Variants in AZI2 observed in about 807,000 individuals in gnomAD.
AZI2 encodes 5-azacytidine induced 2.
AZI2 carries 22 observed loss-of-function variants against 45.8 expected under a neutral mutation model. That is an observed-to-expected ratio of 0.48 (90% CI 0.34 to 0.69). AZI2 has a LOEUF of 0.69. Ranked by LOEUF, AZI2 falls within the 30% of genes least tolerant of loss-of-function variation. The pLI is 0.01. For missense variants in AZI2, 417 were observed against 441.5 expected, an observed-to-expected ratio of 0.94 and a Z score of 0.50; for synonymous variants, 137 against 156.7, an observed-to-expected ratio of 0.87 and a Z score of 0.94.
At chr3:28,337,008 A>G (rs1470777553) in intron 4 of AZI2, 123 bp from the exon 5 acceptor site, 4 of 947,900 alleles carry the variant, frequency 4.2e-6, no homozygotes, top group Non-Finnish European at 6.1e-6. Flanking sequence ...ATATATGATC[A>G]ATAGTTTTTT....
At chr3:28,330,817 T>G (rs1703543260) in intron 6 of AZI2, among the ~76,000 whole-genome samples, 2 of 151,388 alleles carry the variant, frequency 1.3e-5, no homozygotes, top group Non-Finnish European at 3.0e-5. Flanking sequence ...ACACAATTCT[T>G]TACATACATA....
In AZI2 at chr3:28,323,934, T is replaced by C. The variant is rs1703278338; in HGVS notation, c.*108A>G. The C allele has an allele frequency of 3.0e-6, 4 of 1,315,656 alleles. No individual in the cohort carries two copies. The highest frequency in any genetic ancestry group is 3.1e-6 in the Non-Finnish European group (3 of 956,346). 81.5% of individuals were successfully genotyped at this position (1,315,656 alleles called of 1,614,324 possible). ...TGTTCAAATATAGATACTGAAGACC[T>C]CTGCAAAATTTTAATCAAAATCTCC... On this transcript the variant is annotated 3_prime_UTR_variant, in exon 8 of 8. Transcript: ENST00000479665.
At chr3:28,340,748 A>G in intron 1 of AZI2, 126 bp from the exon 2 acceptor site, 2 of 708,918 alleles carry the variant, frequency 2.8e-6, no homozygotes, top group Non-Finnish European at 4.4e-6. Flanking sequence ...CCTGGGTTGT[A>G]TTCTAAACTC....
At chr3:28,325,708 A>G (rs1459518351) in intron 7 of AZI2, among the ~76,000 whole-genome samples, 1 of 151,124 alleles carries the variant, frequency 6.6e-6, no homozygotes, top group African/African-American at 2.4e-5. Context: ...ACAAAGCTAC[A>G]TTGAAAACTC....
intron 5 of AZI2, among the ~76,000 whole-genome samples, chr3:28,334,785 A>G (rs114543874): frequency 0.015 from 2,223 of 152,114 alleles, 54 homozygotes; most frequent in African/African-American, 0.05. Context: ...TTCAATACAC[A>G]TAAATACCTA....
At position 28,337,926 on chromosome 3, in the gene AZI2, A is replaced by G; in HGVS notation, c.439+11T>C. The G allele has an allele frequency of 6.8e-7, 1 of 1,462,278 alleles. No individual in the cohort carries two copies. Among genetic ancestry groups the G allele is most frequent in the Non-Finnish European group, 9.2e-7 (1 of 1,082,124 alleles). 90.6% of individuals were successfully genotyped at this position (1,462,278 alleles called of 1,614,324 possible). A position where few individuals can be genotyped will look rare whatever the true frequency, so the allele number is the denominator to read the frequency against. On this transcript the variant is annotated intron_variant, in intron 4 of 7. Coordinates refer to ENST00000479665, the MANE Select transcript of AZI2 (RefSeq NM_022461.5). ...TTCTGTTAGAATATTTATAACAAGTAACTGGCATACCCTGCTGAGTTTCCA... is the reference window on the plus strand; with the variant it reads ...TTCTGTTAGAATATTTATAACAAGTGACTGGCATACCCTGCTGAGTTTCCA...
In AZI2 at chr3:28,323,931, A is replaced by T. The variant is rs1232941652; in HGVS notation, c.*111T>A. Reference sequence around the variant, plus strand: ...GTGTGTTCAAATATAGATACTGAAGACCTCTGCAAAATTTTAATCAAAATC... The same window carrying T: ...GTGTGTTCAAATATAGATACTGAAGTCCTCTGCAAAATTTTAATCAAAATC... On this transcript the variant is annotated 3_prime_UTR_variant, in exon 8 of 8. Coordinates refer to ENST00000479665, the MANE Select transcript of AZI2 (RefSeq NM_022461.5). 9.6e-6 allele frequency: 12 copies of T among 1,254,540 alleles called. No homozygotes were observed. Among genetic ancestry groups the T allele is most frequent in the African/African-American group, 3.0e-5 (2 of 65,608 alleles). 77.7% of individuals were successfully genotyped at this position (1,254,540 alleles called of 1,614,324 possible).
chr3:28,325,406 A>G (rs776249807), intron 7 of AZI2, among the ~76,000 whole-genome samples: 1 of 151,046 alleles, frequency 6.6e-6, no homozygotes, highest in Non-Finnish European at 1.5e-5. Context: ...GAGGGTGGAT[A>G]TGGATGGAGG....
At chr3:28,338,283 A>G (rs550675318) in intron 3 of AZI2, among the ~76,000 whole-genome samples, 2 of 152,056 alleles carry the variant, frequency 1.3e-5, no homozygotes, top group Non-Finnish European at 2.9e-5. Context: ...CGGTGGTGTT[A>G]GATGTATTTA....
Position 28,337,968 on chromosome 3 carries a change from G to A in AZI2, c.408C>T (p.Leu136=), listed in dbSNP as rs553639482. 1.1e-4 allele frequency: 172 copies of A among 1,599,512 alleles called. 4 individuals are homozygous for A. In the South Asian group the frequency reaches 1.9e-3, roughly 18 times the overall value. Residue 136 remains leucine, a synonymous_variant, in exon 4 of 8, where the codon CTC becomes CTT. Transcript: ENST00000479665. ...EQLQSKEVEL[L]QLRTEVETQQ... ...GAGTTTCCACCTCTGTCCTCAGCTG[G>A]AGGAGTTCTACTTCTTTAGATTGTA...
At position 28,332,426 on chromosome 3, in the gene AZI2, T is replaced by G; in HGVS notation, c.590A>C (p.Asp197Ala). The G allele has an allele frequency of 6.2e-7, 1 of 1,607,242 alleles. No homozygotes were observed. The highest frequency in any genetic ancestry group is 8.5e-7 in the Non-Finnish European group (1 of 1,175,440). The change falls in exon 6 of 8, where the codon GAT becomes GCT. Residue 197 changes from aspartate (D) to alanine (A), a missense_variant and splice_region_variant. Coordinates refer to ENST00000479665, the MANE Select transcript of AZI2 (RefSeq NM_022461.5). ...KIELQKAKQTDPYQEDNLKSR... is the reference protein window; with the variant it reads ...KIELQKAKQTAPYQEDNLKSR... ...CTTCAGATTGTCTTCCTGATATGGA[T>G]CCTGTCATTTGTTTAAAAAAAAGAA...
chr3:28,332,279 G>T, intron 6 of AZI2, 90 bp downstream of exon 6: 1 of 1,170,194 alleles, frequency 8.5e-7, no homozygotes. Flanking sequence ...TTGTTTTTAA[G>T]GTTAAGTCAT....
chr3:28,338,136 T>C, intron 3 of AZI2, 100 bp from the exon 4 acceptor site: 1 of 603,376 alleles, frequency 1.7e-6, no homozygotes, highest in Admixed American at 3.9e-5. Context: ...ATTCTTGTCT[T>C]TAAAAGCAAG....
chr3:28,329,515 G>C (rs1029488371), intron 6 of AZI2, among the ~76,000 whole-genome samples: 1 of 151,100 alleles, frequency 6.6e-6, no homozygotes, highest in Admixed American at 6.6e-5. Context: ...TACATGTCCT[G>C]CTTACAAAGT....
chr3:28,347,431 T>C (rs73825138), intron 1 of AZI2, among the ~76,000 whole-genome samples: 3,987 of 152,218 alleles, frequency 0.026, 154 homozygotes, highest in African/African-American at 0.085. Flanking sequence ...AATTGAGACA[T>C]GAAAACATTA....
At chr3:28,334,974 T>C (rs901624018) in intron 5 of AZI2, among the ~76,000 whole-genome samples, 3 of 152,034 alleles carry the variant, frequency 2.0e-5, no homozygotes, top group Non-Finnish European at 2.9e-5. Flanking sequence ...TCCAGCCATT[T>C]ATATTCAGAA....
In AZI2 at chr3:28,337,945, G is replaced by A. The variant is rs370165575; in HGVS notation, c.431C>T (p.Thr144Ile). The A allele has an allele frequency of 6.4e-6, 10 of 1,568,948 alleles. No individual in the cohort carries two copies. Among genetic ancestry groups the A allele is most frequent in the East Asian group, 4.5e-5 (2 of 43,994 alleles). ...ACAAGTAACTGGCATACCCTGCTGA[G>A]TTTCCACCTCTGTCCTCAGCTGGAG... ...ELLQLRTEVE[T>I]QQVMRNLNPP... The change falls in exon 4 of 8, where the codon ACT becomes ATT. Residue 144 changes from threonine (T) to isoleucine (I), a missense_variant. Coordinates refer to ENST00000479665, the MANE Select transcript of AZI2 (RefSeq NM_022461.5).
At position 28,345,684 on chromosome 3, in the gene AZI2, T is replaced by A. The variant is rs139596948; in HGVS notation, c.-6+2917A>T. ...GGGGAGAAACACAGGAAAAAAAAGA[T>A]TCAAACATTATTTATTAGAATTATT... On this transcript the variant is annotated intron_variant, in intron 1 of 7. Transcript: ENST00000479665. 2.6e-5 allele frequency among the ~76,000 whole-genome samples: 4 copies of A among 152,134 alleles called. No homozygotes were observed. In the East Asian group the frequency reaches 7.7e-4, roughly 29 times the overall value.
At chr3:28,344,427 CTG>C in intron 1 of AZI2, among the ~76,000 whole-genome samples, 1 of 152,110 alleles carries the variant, frequency 6.6e-6, no homozygotes, top group Admixed American at 6.6e-5. Context: ...GAAAGGAAAA[CTG>C]TTAGCAAAGT....
Sources: gnomAD v4.1 joint callset for allele counts (sites outside exome capture counted in the v4.1 genomes callset) on GRCh38, gnomAD v4.1.1 for gene constraint, MANE v1.5 for transcripts, NCBI Gene and HGNC (gene_info 2026-07-23, HGNC 2026-07-21) for gene names.